The following GPHN variants were observed in gnomAD, a reference collection of about 807,000 sequenced individuals.
GPHN encodes the protein gephyrin.
GPHN carries 17 observed loss-of-function variants against 95.5 expected under a neutral mutation model. That is an observed-to-expected ratio of 0.18 (90% CI 0.12 to 0.27). The LOEUF is 0.27. GPHN is among the 10% of genes least tolerant of loss of function. GPHN has a pLI of 1.00. For synonymous variants in GPHN, 320 were observed against 322.5 expected (o/e 0.99, Z 0.08); for missense variants, 660 against 978.1 (o/e 0.67, Z 4.34).
chr14:66,684,438 A>T (rs2067202814), intron 2 of GPHN, among the ~76,000 whole-genome samples: 1 of 152,212 alleles, frequency 6.6e-6, no homozygotes, highest in South Asian at 2.1e-4. Flanking sequence ...CAATGTTTAA[A>T]CCAAGAGTAG....
chr14:67,189,683 C>T, the GPHN span: 1 of 151,880 alleles, frequency 6.6e-6, no homozygotes, highest in African/African-American at 2.4e-5. Context: ...TTCCATCTTC[C>T]TCTTCTCCTT....
chr14:66,565,749 G>A (rs929996557), intron 1 of GPHN, among the ~76,000 whole-genome samples: 1 of 152,228 alleles, frequency 6.6e-6, no homozygotes, highest in South Asian at 2.1e-4. Flanking sequence ...CAAGAAAGCA[G>A]TAGCAAAGGA....
At chr14:66,701,312 A>G (rs1055288134) in intron 2 of GPHN, among the ~76,000 whole-genome samples, 48 of 152,242 alleles carry the variant, frequency 3.2e-4, no homozygotes, top group African/African-American at 1.2e-3. Flanking sequence ...TCACTTTTTA[A>G]TAGCTGCATA....
At chr14:67,266,001 G>A in the GPHN span, among the ~76,000 whole-genome samples, 1 of 151,964 alleles carries the variant, frequency 6.6e-6, no homozygotes, top group Non-Finnish European at 1.5e-5. Context: ...TAGAGACAAG[G>A]TCTCACTGTG....
the GPHN span, among the ~76,000 whole-genome samples, chr14:67,468,912 T>A: frequency 6.8e-6 from 1 of 148,142 alleles, no homozygotes; most frequent in Non-Finnish European, 1.5e-5. Context: ...ATAATAATAA[T>A]TTTTTTTAAA....
rs376652322 is a variant in GPHN, at chr14:66,733,239, C to T, written c.144-43225C>T. Among the ~76,000 whole-genome samples, 3 of 152,056 alleles carry T rather than the reference C, an allele frequency of 2.0e-5. No individual in the cohort carries two copies. The East Asian group carries it at 5.8e-4, about 29-fold the overall frequency. Reference sequence around the variant, plus strand: ...GCCACATAAGACATGCCTGCCTCCCCCTCCACCATGATTGTAAGTTTCCTG... The same window carrying T: ...GCCACATAAGACATGCCTGCCTCCCTCTCCACCATGATTGTAAGTTTCCTG... On this transcript the variant is annotated intron_variant, in intron 2 of 22. Transcript: ENST00000478722.
intron 9 of GPHN, among the ~76,000 whole-genome samples, chr14:67,002,309 CTT>C (rs1177817698): frequency 1.1e-3 from 62 of 58,752 alleles, no homozygotes; most frequent in Admixed American, 2.1e-3. Context: ...CTTTGTGTTG[CTT>C]TTTTTTTTTT....
intron 8 of GPHN, among the ~76,000 whole-genome samples, chr14:66,952,720 A>G (rs1370710543): frequency 6.6e-6 from 1 of 151,926 alleles, no homozygotes; most frequent in African/African-American, 2.4e-5. Flanking sequence ...TTTGAGACAG[A>G]GTCTCGCACT....
At chr14:66,847,196 A>G (rs1335382314) in intron 4 of GPHN, among the ~76,000 whole-genome samples, 1 of 152,138 alleles carries the variant, frequency 6.6e-6, no homozygotes, top group Admixed American at 6.6e-5. Context: ...GGAAAGATCA[A>G]GGTTGTCATG....
At chr14:67,578,040 C>T in the GPHN span, 2 of 1,613,730 alleles carry the variant, frequency 1.2e-6, no homozygotes, top group East Asian at 4.5e-5. The surrounding 1 kb of genome is among the most constrained non-coding windows in gnomAD (Gnocchi z 5.0). Flanking sequence ...AGCTCTTCAT[C>T]AACGTGCCGG....
chr14:67,175,869 GCTCT>G (rs1476417060), intron 21 of GPHN, among the ~76,000 whole-genome samples: 2 of 152,148 alleles, frequency 1.3e-5, no homozygotes, highest in South Asian at 2.1e-4. Flanking sequence ...TCGTGATTTG[GCTCT>G]CTGTTTGTGT....
the GPHN span, among the ~76,000 whole-genome samples, chr14:67,283,076 T>A: frequency 6.6e-6 from 1 of 152,260 alleles, no homozygotes; most frequent in Non-Finnish European, 1.5e-5. Flanking sequence ...ATATCTGTGG[T>A]GAGCTGTTTA....
At chr14:67,186,015 G>C (rs112503149), downstream of GPHN, among the ~76,000 whole-genome samples, 169 of 152,246 alleles carry the variant, frequency 1.1e-3, no homozygotes, top group African/African-American at 3.9e-3. Flanking sequence ...TGTTGTTACA[G>C]AATTCATCAA....
intron 3 of GPHN, among the ~76,000 whole-genome samples, chr14:66,778,125 G>A (rs1057391402): frequency 3.3e-5 from 5 of 152,118 alleles, no homozygotes; most frequent in African/African-American, 1.2e-4. Flanking sequence ...CTTCAGCAAA[G>A]TCTCAGGATA....
In GPHN at chr14:66,837,614, A is replaced by AAAAT. The variant is rs202145300; in HGVS notation, c.294+13088_294+13091dup. ...TATAATAAAAATAAATAAATAAATA[A>AAAAT]AAATAAATAAATAAATAAATAAATA... On this transcript the variant is annotated intron_variant, in intron 4 of 22. Coordinates refer to ENST00000478722, the MANE Select transcript of GPHN (RefSeq NM_020806.5). Among the ~76,000 whole-genome samples the AAAAT allele has an allele frequency of 3.8e-3, 548 of 144,500 alleles. 1 individual carries two copies. Among genetic ancestry groups the AAAAT allele is most frequent in the Non-Finnish European group, 4.8e-3 (317 of 66,540 alleles). The allele number at this position is 144,500 out of a possible 152,430, so 94.8% of individuals were successfully genotyped here.
chr14:67,575,759 C>G, the GPHN span: 1 of 1,234,270 alleles, frequency 8.1e-7, no homozygotes. Context: ...CCTATGTATT[C>G]AGAGAGAGGA....
At chr14:67,213,788 A>G in the GPHN span, among the ~76,000 whole-genome samples, 1 of 152,220 alleles carries the variant, frequency 6.6e-6, no homozygotes, top group Admixed American at 6.5e-5. Flanking sequence ...CCAATAGTGT[A>G]AAAGTGTTCC....
At chr14:67,645,556 G>C in the GPHN span, 32 of 1,467,534 alleles carry the variant, frequency 2.2e-5, no homozygotes, top group Non-Finnish European at 2.8e-5. Context: ...ACTGTGGAGA[G>C]AGTATAAGTT....
intron 2 of GPHN, among the ~76,000 whole-genome samples, chr14:66,764,239 G>C (rs958010968): frequency 3.3e-5 from 5 of 152,058 alleles, no homozygotes; most frequent in Non-Finnish European, 7.3e-5. Flanking sequence ...TAAAGTATAT[G>C]ATGGGAGGAT....
Sources: gnomAD v4.1 joint callset for allele counts (sites outside exome capture counted in the v4.1 genomes callset) on GRCh38, gnomAD v4.1.1 for gene constraint, Gnocchi (gnomAD v3.1) non-coding constraint, MANE v1.5 for transcripts, NCBI Gene and HGNC (gene_info 2026-07-23, HGNC 2026-07-21) for gene names.